VWA5B2: variants seen among roughly 807,000 people sequenced by gnomAD.
VWA5B2 encodes the protein von Willebrand factor A domain containing 5B2.
VWA5B2 carries 93 observed loss-of-function variants against 118.5 expected under a neutral mutation model. That is an observed-to-expected ratio of 0.79 (90% CI 0.66 to 0.93). The LOEUF (loss-of-function observed/expected upper bound fraction) is 0.93. VWA5B2 is among the 40% of genes least tolerant of loss of function. VWA5B2 has a pLI of 0.00. For missense variants in VWA5B2, 1,546 were observed against 1,672.8 expected (o/e 0.92, Z 1.32); for synonymous variants, 708 against 716.3 (o/e 0.99, Z 0.19).
Position 184,236,569 on chromosome 3 carries a change from C to A in VWA5B2, c.1421+18C>A. The A allele has an allele frequency of 6.5e-7, 1 of 1,550,362 alleles. No homozygotes were observed. Among genetic ancestry groups the A allele is most frequent in the Non-Finnish European group, 8.7e-7 (1 of 1,146,126 alleles). ...ACAGCCAGGTATGGGATGGGCAGAACCAGATGCGTAAGACTGAGCCCCCAC... is the reference window on the plus strand; with the variant it reads ...ACAGCCAGGTATGGGATGGGCAGAAACAGATGCGTAAGACTGAGCCCCCAC... On this transcript the variant is annotated intron_variant, in intron 10 of 19. Coordinates refer to ENST00000691901, the MANE Select transcript of VWA5B2 (RefSeq NM_001390846.1).
chr3:184,230,066 G>T (rs1050749879), intron 1 of VWA5B2, among the ~76,000 whole-genome samples: 1 of 152,150 alleles, frequency 6.6e-6, no homozygotes, highest in Non-Finnish European at 1.5e-5. Flanking sequence ...GGCCTCCGGG[G>T]GGATTCGGGC....
chr3:184,235,359 G>C (rs1374116758), intron 8 of VWA5B2, 51 bp downstream of exon 8: 18 of 1,531,058 alleles, frequency 1.2e-5, no homozygotes, highest in Non-Finnish European at 1.5e-5. Flanking sequence ...GGGGCAGTGG[G>C]TCTGAGGAGG....
chr3:184,240,823 C>G lies in VWA5B2; in HGVS notation c.2773C>G (p.Gln925Glu), dbSNP rs1229804201. 2 of 1,551,628 alleles carry G rather than the reference C, an allele frequency of 1.3e-6. No individual in the cohort carries two copies. The highest frequency in any genetic ancestry group is 2.4e-5 in the East Asian group (1 of 40,926). The change falls in exon 17 of 20, where the codon CAG becomes GAG. Residue 925 changes from glutamine (Q) to glutamate (E), a missense_variant. Around this residue, in one of 3 missense-constraint regions of VWA5B2, gnomAD observed 763 missense variants for 766.6 expected, o/e 1.00. Transcript: ENST00000691901. ...CCGGAGGTGCTGGCTTCGAGCCCTT[C>G]AGACAAGTAAGGTCAGCTCTGCCCC... The part of the protein sequence containing the change: ...HARRCWLRAL[Q>E]TSKVSSAPSC...
chr3:184,237,168 G>C lies in VWA5B2; in HGVS notation c.1534-58G>C, dbSNP rs561401114. Reference sequence around the variant, plus strand: ...AGGGGAAGGGCAGCCTTCCTGCTCTGTCTGGCCGTATGACACCTCTTTCCT... The same window carrying C: ...AGGGGAAGGGCAGCCTTCCTGCTCTCTCTGGCCGTATGACACCTCTTTCCT... On this transcript the variant is annotated intron_variant, in intron 11 of 19. Transcript: ENST00000691901. The surrounding 1 kb of genome is among the most constrained non-coding windows in gnomAD (Gnocchi z 5.6). 2.0e-6 allele frequency: 3 copies of C among 1,522,718 alleles called. No homozygotes were observed. The South Asian group carries it at 3.7e-5, about 19-fold the overall frequency. 94.3% of individuals were successfully genotyped at this position (1,522,718 alleles called of 1,614,324 possible). A position where few individuals can be genotyped will look rare whatever the true frequency, so the allele number is the denominator to read the frequency against.
chr3:184,241,504 G>A lies in VWA5B2; in HGVS notation c.3195G>A (p.Glu1065=), dbSNP rs1003424367. The A allele has an allele frequency of 3.2e-6, 5 of 1,551,856 alleles. No homozygotes were observed. In the African/African-American group the frequency reaches 5.5e-5, roughly 17 times the overall value. The change falls in exon 20 of 20, where the codon GAG becomes GAA. Residue 1065 remains glutamate, a synonymous_variant. Transcript: ENST00000691901. This position sits in a 1 kb window ranked among gnomAD's most constrained non-coding sequence, Gnocchi z 5.1. ...HDYLPLVRLQ[E]APGSFRLDAP... ...TCTCTCCTCAGGTGCGGCTGCAGGA[G>A]GCACCAGGCTCCTTCCGCCTGGACG...
At position 184,235,229 on chromosome 3, in the gene VWA5B2, T is replaced by A. The variant is rs867192912; in HGVS notation, c.1022T>A (p.Leu341Gln). The stretch of plus-strand genomic sequence containing the variant: ...CTGGCGCTGAGCTTCTGCCCAGACC[T>A]GAGCTCCAAGCCCGGACACCTGGGG... ...PVLALSFCPD[L>Q]SSKPGHLGTA... Residue 341 changes from leucine to glutamine, a missense_variant, in exon 8 of 20, where the codon CTG becomes CAG. Physicochemically the swap from Leu to Gln is moderately radical, Grantham distance 113 (BLOSUM62 -2). Transcript: ENST00000691901. The A allele has an allele frequency of 3.2e-6, 5 of 1,551,686 alleles. No individual in the cohort carries two copies. In the Middle Eastern group the frequency reaches 6.7e-4, roughly 207 times the overall value.
At chr3:184,240,552 T>C in intron 16 of VWA5B2, 1 of 576,094 alleles carries the variant, frequency 1.7e-6, no homozygotes. Context: ...CTGGGTGTTG[T>C]CCAGAGTGCT....
chr3:184,232,349 T>C (rs1717485440), intron 3 of VWA5B2, among the ~76,000 whole-genome samples: 1 of 152,194 alleles, frequency 6.6e-6, no homozygotes, highest in East Asian at 1.9e-4. Flanking sequence ...ACCGAGCTGA[T>C]ATTTAAAACT....
chr3:184,239,944 A>G lies in VWA5B2; in HGVS notation c.2648A>G (p.Asp883Gly). Residue 883 changes from aspartate to glycine, a missense_variant, in exon 16 of 20, where the codon GAC becomes GGC. By Grantham distance (94) the Asp-to-Gly change is moderately conservative (BLOSUM62 -1). This residue lies in a region of VWA5B2 where 763 missense variants were observed against 766.6 expected (regional missense o/e 1.00). Coordinates refer to ENST00000691901, the MANE Select transcript of VWA5B2 (RefSeq NM_001390846.1). This position sits in a 1 kb window ranked among gnomAD's most constrained non-coding sequence, Gnocchi z 5.1. ...PSPPVREAAW[D>G]QALHRLTAAS... is the part of the protein sequence containing the mutation. ...CCTCCTGTAAGAGAAGCTGCTTGGG[A>G]CCAAGCACTCCATCGGCTGACAGCA... 6.4e-7 allele frequency: 1 copy of G among 1,551,134 alleles called. No individual in the cohort carries two copies. The highest frequency in any genetic ancestry group is 2.4e-5 in the East Asian group (1 of 40,894).
rs1718259881 is a variant in VWA5B2 at position 184,238,737 on chromosome 3, C to T, written c.2066C>T (p.Ser689Leu). Residue 689 changes from serine to leucine, a missense_variant, in exon 14 of 20, where the codon TCA becomes TTA. Transcript: ENST00000691901. The surrounding 1 kb of genome is among the most constrained non-coding windows in gnomAD (Gnocchi z 5.0). ...ACAGGCAGCAGTGAGTCCCCAGGCT[C>T]ACAGGGCCCTGGCTCCCCCGAAGGT... ...GSTGSSESPG[S>L]QGPGSPEGSA... 5 of 1,550,892 alleles carry T rather than the reference C, an allele frequency of 3.2e-6. No homozygotes were observed. The highest frequency in any genetic ancestry group is 1.4e-5 in the African/African-American group (1 of 73,048).
Position 184,234,908 on chromosome 3 carries a change from T to A in VWA5B2, c.945+153T>A, listed in dbSNP as rs771741796. On this transcript the variant is annotated intron_variant, in intron 7 of 19. Transcript: ENST00000691901. ...GCCACCAACCATCACAGAGGACAGA[T>A]GAGTATTGTCATTGGAGGGCCGATG... 2.1e-5 allele frequency: 27 copies of A among 1,264,552 alleles called. No individual in the cohort carries two copies. The East Asian group carries it at 4.1e-4, about 19-fold the overall frequency. The allele number at this position is 1,264,552 out of a possible 1,614,324, so 78.3% of individuals were successfully genotyped here.
rs1164775011 is a variant in VWA5B2 at position 184,240,897 on chromosome 3, C to T, written c.2847C>T (p.Val949=). ...CTGTGGATGCTACTACTAGGGAGGT[C>T]CTGCCTGGGGCCCTGCAGGTGTGCA... ...PVAVDATTRE[V]LPGALQVCSS... is the part of the protein sequence containing the mutation. The change falls in exon 17 of 20, where the codon GTC becomes GTT. Residue 949 remains valine (V), a synonymous_variant. Coordinates refer to ENST00000691901, the MANE Select transcript of VWA5B2 (RefSeq NM_001390846.1). 1.3e-6 allele frequency: 2 copies of T among 1,551,530 alleles called. No homozygotes were observed. The highest frequency in any genetic ancestry group is 1.7e-6 in the Non-Finnish European group (2 of 1,146,974).
rs961560948 is a variant in VWA5B2 at position 184,241,247 on chromosome 3, G to C, written c.3023G>C (p.Arg1008Pro). The change falls in exon 19 of 20, where the codon CGT becomes CCT. Residue 1008 changes from arginine (R) to proline (P), a missense_variant. Arg to Pro is a moderately radical substitution (Grantham distance 103). Coordinates refer to ENST00000691901, the MANE Select transcript of VWA5B2 (RefSeq NM_001390846.1). The surrounding 1 kb of genome is among the most constrained non-coding windows in gnomAD (Gnocchi z 5.1). ...TCGGACCAAAATGGCAACTCCAAGC[G>C]TGCTTTGGGGGACCCTGCCACTCCC... ...WDSDQNGNSK[R>P]ALGDPATPTE... 1 of 1,551,110 alleles carries C rather than the reference G, an allele frequency of 6.4e-7. No individual in the cohort carries two copies. Among genetic ancestry groups the C allele is most frequent in the African/African-American group, 1.4e-5 (1 of 73,052 alleles).
chr3:184,233,048 C>T lies in VWA5B2; in HGVS notation c.311-130C>T. ...ATGCCTCCATCCTGCGTCACCAATG[C>T]ATTAGCCTAGTGCCAACACGCAAAG... On this transcript the variant is annotated intron_variant, in intron 3 of 19. Transcript: ENST00000691901. This position sits in a 1 kb window ranked among gnomAD's most constrained non-coding sequence, Gnocchi z 5.2. 3 of 738,124 alleles carry T rather than the reference C, an allele frequency of 4.1e-6. No individual in the cohort carries two copies. Among genetic ancestry groups the T allele is most frequent in the Admixed American group, 2.7e-5 (1 of 37,226 alleles). 45.7% of individuals were successfully genotyped at this position (738,124 alleles called of 1,614,324 possible).
At chr3:184,230,985 G>A (rs948241775) in intron 3 of VWA5B2, 68 bp downstream of exon 3, 3 of 1,203,162 alleles carry the variant, frequency 2.5e-6, no homozygotes, top group Non-Finnish European at 3.1e-6. Context: ...GCATCCGCTC[G>A]GCCTCCGCCC....
Position 184,236,530 on chromosome 3 carries a change from G to A in VWA5B2, c.1400G>A (p.Arg467Lys). The change falls in exon 10 of 20, where the codon AGG becomes AAG. Residue 467 changes from arginine to lysine, a missense_variant. Physicochemically the swap from Arg to Lys is conservative, Grantham distance 26 (BLOSUM62 2). Transcript: ENST00000691901. Reference protein sequence around the residue: ...ATTHRTLELMRWHRGTARCFS... With the variant: ...ATTHRTLELMKWHRGTARCFS... ...ACCCACCGAACCCTGGAGCTCATGA[G>A]GTGGCACAGGGGGACAGCCAGGTAT... is the stretch of plus-strand genomic sequence containing the variant. 1 of 1,550,146 alleles carries A rather than the reference G, an allele frequency of 6.5e-7. No homozygotes were observed. The highest frequency in any genetic ancestry group is 8.7e-7 in the Non-Finnish European group (1 of 1,146,972).
In VWA5B2 at chr3:184,230,378, A is replaced by T. The variant is rs1717255703; in HGVS notation, c.-149-2A>T. The T allele has an allele frequency of 3.2e-6, 3 of 939,428 alleles. No individual in the cohort carries two copies. The highest frequency in any genetic ancestry group is 4.3e-6 in the Non-Finnish European group (3 of 701,478). 58.2% of individuals were successfully genotyped at this position (939,428 alleles called of 1,614,324 possible). On this transcript the variant is annotated splice_acceptor_variant, in intron 1 of 19. Coordinates refer to ENST00000691901, the MANE Select transcript of VWA5B2 (RefSeq NM_001390846.1). LOFTEE classifies it low-confidence loss of function (5UTR_SPLICE). ...ATCTCCCCCGCCACCTGTCGCCCTCAGGAGCTCCCGCTCGGCCTCGCGCCC... is the reference window on the plus strand; with the variant it reads ...ATCTCCCCCGCCACCTGTCGCCCTCTGGAGCTCCCGCTCGGCCTCGCGCCC...
chr3:184,238,155 A>T lies in VWA5B2; in HGVS notation c.1720-148A>T. ...AGCAGCTCTATTAACCCTTACAGTG[A>T]ACATGTCTGCTTCCTCCTTCTTTAG... On this transcript the variant is annotated intron_variant, in intron 12 of 19. Transcript: ENST00000691901. This position sits in a 1 kb window ranked among gnomAD's most constrained non-coding sequence, Gnocchi z 5.0. The T allele has an allele frequency of 1.4e-6, 1 of 709,652 alleles. No homozygotes were observed. The highest frequency in any genetic ancestry group is 2.3e-5 in the South Asian group (1 of 43,588). 44.0% of individuals were successfully genotyped at this position (709,652 alleles called of 1,614,324 possible).
chr3:184,232,171 G>C (rs114109592), intron 3 of VWA5B2, among the ~76,000 whole-genome samples: 1 of 151,984 alleles, frequency 6.6e-6, no homozygotes, highest in Non-Finnish European at 1.5e-5. Context: ...TCCTGTTATG[G>C]GGGATGAAAG....
Sources: gnomAD v4.1 joint callset for allele counts (sites outside exome capture counted in the v4.1 genomes callset) on GRCh38, gnomAD v4.1.1 for gene constraint, gnomAD v4.1.1 regional missense constraint, Gnocchi (gnomAD v3.1) non-coding constraint, MANE v1.5 for transcripts, NCBI Gene and HGNC (gene_info 2026-07-23, HGNC 2026-07-21) for gene names.